The following RGPD5 variants were observed in gnomAD, a reference collection of about 807,000 sequenced individuals.
RGPD5 encodes the protein RANBP2 like and GRIP domain containing 5.
chr2:109,761,010 G>T, the RGPD5 span, among the ~76,000 whole-genome samples: 3 of 136,708 alleles, frequency 2.2e-5, no homozygotes, highest in African/African-American at 8.4e-5. Context: ...CCCCAGCCCA[G>T]GGACTGGTGA....
chr2:109,794,730 C>G (rs1676896053), intron 1 of RGPD5, 193 bp downstream of exon 1: 1 of 534,632 alleles, frequency 1.9e-6, no homozygotes, highest in Non-Finnish European at 2.2e-6. Context: ...GGCGGCGTGG[C>G]GCTTGCAAGC....
chr2:109,772,239 TTTCTAGCCCTTGATATGTTTATA>T, the RGPD5 span, among the ~76,000 whole-genome samples: 1 of 110,662 alleles, frequency 9.0e-6, no homozygotes, highest in South Asian at 3.6e-4. Flanking sequence ...AGAGACCACA[TTTCTAGCCCTTGATATGTTTATA>T]TTTTAGCCTG....
chr2:109,798,990 G>GC (rs762816788), intron 1 of RGPD5, among the ~76,000 whole-genome samples: 2 of 15,486 alleles, frequency 1.3e-4, no homozygotes, highest in Non-Finnish European at 1.3e-4. Flanking sequence ...GGGGGAACTG[G>GC]CGGGCTCGGT....
At chr2:109,778,618 T>A in the RGPD5 span, among the ~76,000 whole-genome samples, 1 of 146,484 alleles carries the variant, frequency 6.8e-6, no homozygotes, top group Non-Finnish European at 1.5e-5. Flanking sequence ...CCACTGTCAT[T>A]CCAGCAAAAA....
chr2:109,799,307 A>G (rs1461710811), intron 1 of RGPD5, among the ~76,000 whole-genome samples: 1 of 97,348 alleles, frequency 1.0e-5, no homozygotes, highest in Non-Finnish European at 1.9e-5. Flanking sequence ...ACTGTTGTGT[A>G]TTATTTTTGT....
chr2:109,760,878 T>G, the RGPD5 span, among the ~76,000 whole-genome samples: 38 of 57,310 alleles, frequency 6.6e-4, no homozygotes, highest in South Asian at 3.8e-3. Flanking sequence ...CCGGCCGCCG[T>G]GGGGGTGGGG....
At chr2:109,778,310 G>A in the RGPD5 span, among the ~76,000 whole-genome samples, 1 of 140,150 alleles carries the variant, frequency 7.1e-6, no homozygotes, top group Non-Finnish European at 1.5e-5. Context: ...TGCAGATAAT[G>A]TGTGTCTTGC....
the RGPD5 span, among the ~76,000 whole-genome samples, chr2:109,779,426 CTG>C: frequency 2.5e-5 from 2 of 79,888 alleles, no homozygotes; most frequent in African/African-American, 4.5e-5. Context: ...AGCATGGAGT[CTG>C]TGTGGAGAGA....
the RGPD5 span, among the ~76,000 whole-genome samples, chr2:109,764,417 A>G: frequency 2.0e-5 from 3 of 147,778 alleles, no homozygotes; most frequent in Non-Finnish European, 4.4e-5. Flanking sequence ...ATCCCTTTTA[A>G]CAGGCTAACT....
chr2:109,778,048 T>G, the RGPD5 span, among the ~76,000 whole-genome samples: 625 of 130,642 alleles, frequency 4.8e-3, 7 homozygotes, highest in African/African-American at 0.018. Flanking sequence ...TTGGATGTGA[T>G]GGGGCTTGTG....
At chr2:109,760,738 C>T in the RGPD5 span, among the ~76,000 whole-genome samples, 2 of 144,908 alleles carry the variant, frequency 1.4e-5, no homozygotes, top group South Asian at 4.4e-4. Context: ...TTCGACTTAG[C>T]CCTGCTCCAG....
the RGPD5 span, among the ~76,000 whole-genome samples, chr2:109,769,699 AAC>A: frequency 1.2e-5 from 1 of 81,016 alleles, no homozygotes; most frequent in African/African-American, 4.3e-5. Flanking sequence ...AAGTTCTTGC[AAC>A]AGTGTTTAGC....
At chr2:109,767,390 A>G in the RGPD5 span, among the ~76,000 whole-genome samples, 3 of 144,740 alleles carry the variant, frequency 2.1e-5, no homozygotes, top group Non-Finnish European at 4.5e-5. Flanking sequence ...TCACATATGT[A>G]GATCTATTAA....
the RGPD5 span, among the ~76,000 whole-genome samples, chr2:109,777,343 G>C: frequency 6.8e-6 from 1 of 147,514 alleles, no homozygotes; most frequent in Non-Finnish European, 1.5e-5. Context: ...TACTTTAATA[G>C]ACTTTAATCT....
the RGPD5 span, among the ~76,000 whole-genome samples, chr2:109,764,243 T>C: frequency 6.7e-6 from 1 of 149,276 alleles, no homozygotes; most frequent in Non-Finnish European, 1.5e-5. Flanking sequence ...CTTTGTTCTG[T>C]AGAGTCTTGA....
At chr2:109,761,016 G>A in the RGPD5 span, among the ~76,000 whole-genome samples, 2 of 137,210 alleles carry the variant, frequency 1.5e-5, no homozygotes, top group African/African-American at 2.8e-5. Flanking sequence ...CCCAGGGACT[G>A]GTGATCTAGG....
intron 1 of RGPD5, among the ~76,000 whole-genome samples, chr2:109,799,072 A>G (rs1249308290): frequency 9.9e-5 from 2 of 20,264 alleles, no homozygotes; most frequent in African/African-American, 6.3e-4. Flanking sequence ...GATCGACACC[A>G]TCTTGGCCAA....
chr2:109,763,851 T>C, the RGPD5 span, among the ~76,000 whole-genome samples: 1 of 148,954 alleles, frequency 6.7e-6, no homozygotes, highest in African/African-American at 2.5e-5. Context: ...TTATTAGTGG[T>C]GACTGTGGCT....
intron 1 of RGPD5, 173 bp downstream of exon 1, chr2:109,794,710 C>T (rs1676894586): frequency 1.4e-6 from 1 of 698,338 alleles, no homozygotes; most frequent in Admixed American, 1.0e-4. Flanking sequence ...CCGGCTGGCG[C>T]AGTCCTGTGG....
Sources: gnomAD v4.1 joint callset for allele counts (sites outside exome capture counted in the v4.1 genomes callset) on GRCh38, gnomAD v4.1.1 for gene constraint, MANE v1.5 for transcripts, NCBI Gene and HGNC (gene_info 2026-07-23, HGNC 2026-07-21) for gene names.